Variants in KAZN observed in about 807,000 individuals in gnomAD.
KAZN encodes kazrin, periplakin interacting protein, also known as kazrin.
In KAZN, 40 loss-of-function variants were observed where a neutral mutation model predicts 87.4. The ratio of observed to expected loss-of-function variants is 0.46; its 90% CI spans 0.36 to 0.60. The LOEUF (loss-of-function observed/expected upper bound fraction) is 0.60. Among genes scored for constraint, KAZN ranks in the 20% least tolerant of loss-of-function variants. KAZN has a pLI of 0.00. For synonymous variants in KAZN, 466 were observed against 458.3 expected (o/e 1.02, Z -0.22); for missense variants, 898 against 1,073.9 (o/e 0.84, Z 2.29).
chr1:14,432,348 A>G (rs1666122263), intron 2 of KAZN, among the ~76,000 whole-genome samples: 1 of 152,192 alleles, frequency 6.6e-6, no homozygotes, highest in Admixed American at 6.5e-5. Context: ...GCTCTAGAAT[A>G]TAACTCAACA....
chr1:15,094,248 C>T lies in KAZN; in HGVS notation c.1291C>T (p.Arg431Trp), dbSNP rs1292755129. 12 of 1,613,942 alleles carry T rather than the reference C, an allele frequency of 7.4e-6. No homozygotes were observed. The highest frequency in any genetic ancestry group is 3.3e-5 in the Admixed American group (2 of 60,026). The change falls in exon 9 of 15, where the codon CGG (arginine) becomes TGG (tryptophan). Residue 431 changes from arginine (R) to tryptophan (W), a missense_variant. Around this residue, in one of 3 missense-constraint regions of KAZN, gnomAD observed 521 missense variants for 689.4 expected, o/e 0.76. Transcript: ENST00000376030. This position sits in a 1 kb window ranked among gnomAD's most constrained non-coding sequence, Gnocchi z 4.5. ...SLSEGEEQMD[R>W]LQQVELVRTT... Reference sequence around the variant, plus strand: ...GTCGGAAGGCGAGGAGCAGATGGACCGGCTGCAGCAGGTGGAGCTGGTGAG... The same window carrying T: ...GTCGGAAGGCGAGGAGCAGATGGACTGGCTGCAGCAGGTGGAGCTGGTGAG...
At chr1:14,168,158 G>A (rs1645873054) in intron 1 of KAZN, among the ~76,000 whole-genome samples, 1 of 152,170 alleles carries the variant, frequency 6.6e-6, no homozygotes, top group African/African-American at 2.4e-5. Context: ...CGTGTATTAT[G>A]CCCAGGCAAG....
rs375423908 is a variant in KAZN at position 15,085,370 on chromosome 1, C to T, written c.1223-8810C>T. 2.4e-3 allele frequency among the ~76,000 whole-genome samples: 362 copies of T among 152,322 alleles called. 1 individual carries two copies. Among genetic ancestry groups the T allele is most frequent in the African/African-American group, 7.9e-3 (327 of 41,566 alleles). On this transcript the variant is annotated intron_variant, in intron 8 of 14. Coordinates refer to ENST00000376030, the MANE Select transcript of KAZN (RefSeq NM_201628.3). ...TGAGATGGAGTTTCACTCTGTCACC[C>T]AGGCTAGAGTGCAGTGGCACAATCT... is the stretch of plus-strand genomic sequence containing the variant.
chr1:14,047,882 A>AC (rs55888193), intron 1 of KAZN, among the ~76,000 whole-genome samples: 23,773 of 151,740 alleles, frequency 0.16, 2,297 homozygotes, highest in Non-Finnish European at 0.22. Context: ...AAAAAGAAAA[A>AC]AAAAAATAAA....
intron 1 of KAZN, among the ~76,000 whole-genome samples, chr1:13,985,896 A>G (rs1638993021): frequency 6.6e-6 from 1 of 152,242 alleles, no homozygotes; most frequent in African/African-American, 2.4e-5. Flanking sequence ...TCCATTATAC[A>G]GTATACCATA....
intron 1 of KAZN, among the ~76,000 whole-genome samples, chr1:14,824,315 G>C (rs781415029): frequency 3.3e-5 from 5 of 152,122 alleles, no homozygotes; most frequent in Non-Finnish European, 7.4e-5. Flanking sequence ...TGAACCAGCA[G>C]GGCAGGAGAC....
In KAZN at chr1:14,471,552, G is replaced by A. The variant is rs551323511; in HGVS notation, c.250-127431G>A. 6.6e-5 allele frequency among the ~76,000 whole-genome samples: 10 copies of A among 152,216 alleles called. No homozygotes were observed. The East Asian group carries it at 1.4e-3, about 21-fold the overall frequency. ...CCATTGGGGAACGTTGAGTAGAGGC[G>A]TGACAATGCTGAACTGATGTTCCAG... is the stretch of plus-strand genomic sequence containing the variant. On this transcript the variant is annotated intron_variant, in intron 2 of 16. Coordinates refer to the KAZN transcript ENST00000636203.
chr1:14,942,213 G>A (rs772859149), intron 1 of KAZN, among the ~76,000 whole-genome samples: 3 of 152,132 alleles, frequency 2.0e-5, no homozygotes, highest in South Asian at 2.1e-4. Flanking sequence ...AGCCCTGTAC[G>A]CCCAGGGTGC....
intron 1 of KAZN, among the ~76,000 whole-genome samples, chr1:13,941,604 C>A (rs979228024): frequency 8.5e-5 from 13 of 152,180 alleles, no homozygotes; most frequent in African/African-American, 3.1e-4. Flanking sequence ...GTTCTTTATT[C>A]TGAAGTTTCA....
chr1:14,959,152 G>A (rs1663533607), intron 1 of KAZN, among the ~76,000 whole-genome samples: 1 of 152,222 alleles, frequency 6.6e-6, no homozygotes, highest in African/African-American at 2.4e-5. Context: ...CGCCATAGCA[G>A]TGATGGACAC....
chr1:14,055,552 G>T (rs1444879741), intron 1 of KAZN, among the ~76,000 whole-genome samples: 3 of 152,208 alleles, frequency 2.0e-5, no homozygotes, highest in Non-Finnish European at 4.4e-5. Flanking sequence ...AGTTTTCTGA[G>T]CTGTGTTTAG....
At chr1:14,918,642 G>T (rs1333541863) in intron 1 of KAZN, among the ~76,000 whole-genome samples, 2 of 132,790 alleles carry the variant, frequency 1.5e-5, no homozygotes, top group Non-Finnish European at 3.1e-5. Context: ...CGCCACTGAA[G>T]TCCAGCCTGG....
At chr1:13,927,720 A>C (rs913396043) in intron 1 of KAZN, among the ~76,000 whole-genome samples, 1 of 152,098 alleles carries the variant, frequency 6.6e-6, no homozygotes, top group African/African-American at 2.4e-5. Context: ...CTTAGTGGGA[A>C]TCCAAAAGCT....
At chr1:14,779,035 G>A (rs1645257995) in intron 1 of KAZN, among the ~76,000 whole-genome samples, 1 of 152,194 alleles carries the variant, frequency 6.6e-6, no homozygotes, top group African/African-American at 2.4e-5. Context: ...AATCTGAAGA[G>A]TGAGTGTTTC....
rs114015784 is a variant in KAZN at position 14,068,174 on chromosome 1, C to T, written c.92-112261C>T. 5.7e-3 allele frequency among the ~76,000 whole-genome samples: 861 copies of T among 152,202 alleles called. 9 individuals carry two copies. Among genetic ancestry groups the T allele is most frequent in the African/African-American group, 0.02 (819 of 41,520 alleles). ...CCAAACATATTGATGCAGAAACAAACGAACAAAATTACTGCAAAGTAGACT... is the reference window on the plus strand; with the variant it reads ...CCAAACATATTGATGCAGAAACAAATGAACAAAATTACTGCAAAGTAGACT... On this transcript the variant is annotated intron_variant, in intron 1 of 16. Coordinates refer to the KAZN transcript ENST00000636203.
chr1:14,172,507 C>A (rs948658742), intron 1 of KAZN, among the ~76,000 whole-genome samples: 2 of 152,234 alleles, frequency 1.3e-5, no homozygotes, highest in Non-Finnish European at 2.9e-5. Context: ...TTGGTGACCT[C>A]ATGGAACTTA....
At chr1:15,083,193 G>C (rs1187779685) in intron 8 of KAZN, among the ~76,000 whole-genome samples, 1 of 152,162 alleles carries the variant, frequency 6.6e-6, no homozygotes, top group Non-Finnish European at 1.5e-5. Context: ...CCTTGCTCTG[G>C]ATGGCTCCTA....
intron 1 of KAZN, among the ~76,000 whole-genome samples, chr1:14,714,970 T>C (rs1031557929): frequency 2.6e-5 from 4 of 151,998 alleles, no homozygotes; most frequent in African/African-American, 9.7e-5. Flanking sequence ...AATTTTTTTT[T>C]TCTTTTAGTA....
intron 2 of KAZN, among the ~76,000 whole-genome samples, chr1:14,962,963 G>A (rs1326221386): frequency 6.6e-6 from 1 of 152,038 alleles, no homozygotes; most frequent in African/African-American, 2.4e-5. Context: ...CTCCATTCCT[G>A]ATCTGAGTGA....
Sources: allele counts gnomAD v4.1 joint callset (sites outside exome capture counted in the v4.1 genomes callset), GRCh38; gene constraint gnomAD v4.1.1; regional missense constraint gnomAD v4.1.1; non-coding constraint Gnocchi (gnomAD v3.1); transcripts MANE v1.5; gene names NCBI Gene and HGNC (gene_info 2026-07-23, HGNC 2026-07-21).